Variants in ASAP1 observed in about 807,000 individuals in gnomAD.
ASAP1 encodes ArfGAP with SH3 domain, ankyrin repeat and PH domain 1.
ASAP1 carries 43 observed loss-of-function variants against 145.2 expected under a neutral mutation model. That is an observed-to-expected ratio of 0.30 (90% CI 0.23 to 0.38). The LOEUF (loss-of-function observed/expected upper bound fraction) is 0.38. Ranked by LOEUF, ASAP1 falls within the 10% of genes least tolerant of loss-of-function variation. ASAP1 has a pLI of 1.00. For missense variants in ASAP1, 1,018 were observed against 1,355.3 expected (o/e 0.75, Z 3.91); for synonymous variants, 546 against 515.5 (o/e 1.06, Z -0.80).
chr8:130,055,153 G>T (rs983584287), intron 29 of ASAP1, among the ~76,000 whole-genome samples: 1 of 152,182 alleles, frequency 6.6e-6, no homozygotes, highest in African/African-American at 2.4e-5. Flanking sequence ...CAGGCGTGGG[G>T]CTCTAGAGTC....
chr8:130,324,849 T>C (rs1318354329), intron 3 of ASAP1, among the ~76,000 whole-genome samples: 3 of 152,148 alleles, frequency 2.0e-5, no homozygotes, highest in Non-Finnish European at 1.5e-5. Flanking sequence ...AAGCACACCC[T>C]TGCATCCTCA....
At chr8:130,346,894 A>G (rs933140156) in intron 3 of ASAP1, among the ~76,000 whole-genome samples, 1 of 152,240 alleles carries the variant, frequency 6.6e-6, no homozygotes, top group Admixed American at 6.5e-5. Flanking sequence ...AAACATTACA[A>G]GGAAAAGGAA....
intron 11 of ASAP1, among the ~76,000 whole-genome samples, chr8:130,163,699 C>T (rs188988592): frequency 6.9e-6 from 1 of 144,876 alleles, no homozygotes; most frequent in African/African-American, 2.4e-5. Context: ...ATAACATTAA[C>T]AACAATTTAA....
chr8:130,166,726 T>C (rs1272482082), intron 11 of ASAP1, among the ~76,000 whole-genome samples: 2 of 152,160 alleles, frequency 1.3e-5, no homozygotes, highest in Non-Finnish European at 2.9e-5. Context: ...AATGAAATGT[T>C]TGAACAAATG....
At chr8:130,117,171 T>C (rs911561303) in intron 20 of ASAP1, among the ~76,000 whole-genome samples, 176 bp from the exon 21 acceptor site, 1 of 152,212 alleles carries the variant, frequency 6.6e-6, no homozygotes, top group Non-Finnish European at 1.5e-5. Flanking sequence ...TAACAGGCAG[T>C]ATTTATTTAG....
chr8:130,128,025 C>T lies in ASAP1; in HGVS notation c.1283G>A (p.Ser428Asn), dbSNP rs748458373. The T allele has an allele frequency of 6.2e-7, 1 of 1,614,028 alleles. No individual in the cohort carries two copies. The highest frequency in any genetic ancestry group is 8.5e-7 in the Non-Finnish European group (1 of 1,179,988). ...GTCTTCCAGGCTGTTCTCTCCCGCA[C>T]TCTGCTCTCCACGGAAGGCCATGGT... is the stretch of plus-strand genomic sequence containing the variant. ...ALTMAFRGEQ[S>N]AGENSLEDLT... The change falls in exon 16 of 30, where the codon AGT becomes AAT. Residue 428 changes from serine to asparagine, a missense_variant. Transcript: ENST00000518721.
rs187234577 is a variant in ASAP1 at position 130,160,680 on chromosome 8, C to T, written c.910-716G>A. ...ATGACTAGAAACAGCCATTACATTA[C>T]GAAAATGTAAGAAATAAAATCAACA... On this transcript the variant is annotated intron_variant, in intron 11 of 29. Transcript: ENST00000518721. 277 of 728,770 alleles carry T rather than the reference C, an allele frequency of 3.8e-4. No homozygotes were observed. The African/African-American group carries it at 4.9e-3, about 13-fold the overall frequency. 45.1% of individuals were successfully genotyped at this position (728,770 alleles called of 1,614,324 possible).
At chr8:130,290,385 G>A (rs962892706) in intron 3 of ASAP1, among the ~76,000 whole-genome samples, 6 of 152,134 alleles carry the variant, frequency 3.9e-5, no homozygotes, top group South Asian at 2.1e-4. Flanking sequence ...TTCAGAACTC[G>A]TTAAGCAAAG....
intron 9 of ASAP1, among the ~76,000 whole-genome samples, chr8:130,172,502 A>G (rs537513589): frequency 6.6e-6 from 1 of 152,288 alleles, no homozygotes; most frequent in East Asian, 1.9e-4. Context: ...GTGAGTTTCA[A>G]TGAGAATGCT....
At chr8:130,265,699 T>C (rs745827100) in intron 3 of ASAP1, among the ~76,000 whole-genome samples, 25 of 151,994 alleles carry the variant, frequency 1.6e-4, no homozygotes, top group South Asian at 4.2e-4. Context: ...TTGGGCATCA[T>C]GGCAAAACCC....
At chr8:130,076,431 A>G in intron 26 of ASAP1, 25 bp from the exon 27 acceptor site, 1 of 1,541,058 alleles carries the variant, frequency 6.5e-7, no homozygotes, top group Non-Finnish European at 8.9e-7. Context: ...AGAATCATTT[A>G]GGATCTAAAA....
chr8:130,417,312 G>T (rs868613114), intron 1 of ASAP1, among the ~76,000 whole-genome samples: 1 of 152,250 alleles, frequency 6.6e-6, no homozygotes, highest in South Asian at 2.1e-4. Flanking sequence ...ACTATGTGCC[G>T]CAGCAGCAGG....
At chr8:130,373,208 C>T (rs1195654348) in intron 2 of ASAP1, among the ~76,000 whole-genome samples, 1 of 151,242 alleles carries the variant, frequency 6.6e-6, no homozygotes, top group African/African-American at 2.4e-5. Context: ...ATGTAAATCT[C>T]TAGACAGACA....
chr8:130,349,127 A>G (rs1825855094), intron 3 of ASAP1, among the ~76,000 whole-genome samples: 1 of 152,232 alleles, frequency 6.6e-6, no homozygotes, highest in Admixed American at 6.5e-5. Context: ...GAGAGTACAG[A>G]GCCCACTAAG....
At chr8:130,098,596 C>T (rs148555503) in intron 24 of ASAP1, among the ~76,000 whole-genome samples, 3,096 of 152,260 alleles carry the variant, frequency 0.02, 49 homozygotes, top group East Asian at 0.064. Flanking sequence ...GATCCGCCCG[C>T]CTCGGCCTCC....
chr8:130,110,784 T>C (rs2097545407), intron 24 of ASAP1, among the ~76,000 whole-genome samples: 1 of 152,208 alleles, frequency 6.6e-6, no homozygotes, highest in African/African-American at 2.4e-5. Flanking sequence ...CAATAGAGAA[T>C]AAGCTCTGAA....
intron 3 of ASAP1, among the ~76,000 whole-genome samples, chr8:130,301,414 T>C (rs536183096): frequency 6.6e-6 from 1 of 152,310 alleles, no homozygotes; most frequent in South Asian, 2.1e-4. Context: ...TTAATGTAAA[T>C]TGTGTTCTAG....
At chr8:130,401,436 G>C (rs1828791418) in intron 2 of ASAP1, among the ~76,000 whole-genome samples, 1 of 152,008 alleles carries the variant, frequency 6.6e-6, no homozygotes, top group Non-Finnish European at 1.5e-5. Flanking sequence ...GTAGAGACAA[G>C]GTTTCGCCAT....
At position 130,401,835 on chromosome 8, in the gene ASAP1, G is replaced by A. The variant is rs1021638775; in HGVS notation, c.59+50C>T. On this transcript the variant is annotated intron_variant, in intron 2 of 29. Coordinates refer to ENST00000518721, the MANE Select transcript of ASAP1 (RefSeq NM_018482.4). ...TTCAACTCCCAAGAAGAATCCCGCT[G>A]TATCTCCCACGCCGAGTTTTCTGGA... 13 of 1,559,554 alleles carry A rather than the reference G, an allele frequency of 8.3e-6. No individual in the cohort carries two copies. The African/African-American group carries it at 9.5e-5, about 11-fold the overall frequency.
Sources: allele counts gnomAD v4.1 joint callset (sites outside exome capture counted in the v4.1 genomes callset), GRCh38; gene constraint gnomAD v4.1.1; transcripts MANE v1.5; gene names NCBI Gene and HGNC (gene_info 2026-07-23, HGNC 2026-07-21).